SLC22A2: variants seen among roughly 807,000 people sequenced by gnomAD.
SLC22A2 encodes organic cation transporter 2.
SLC22A2 carries 46 observed loss-of-function variants against 60.5 expected under a neutral mutation model. That is an observed-to-expected ratio of 0.76 (90% CI 0.60 to 0.97). The LOEUF (loss-of-function observed/expected upper bound fraction) is 0.97. Ranked by LOEUF, SLC22A2 falls within the 50% of genes least tolerant of loss-of-function variation. SLC22A2 has a pLI of 0.00. For synonymous variants in SLC22A2, 303 were observed against 267.0 expected, an observed-to-expected ratio of 1.13 and a Z score of -1.31; for missense variants, 701 against 706.6, an observed-to-expected ratio of 0.99 and a Z score of 0.09.
chr6:160,224,672 A>T (rs1168079202), intron 10 of SLC22A2, 33 bp downstream of exon 10: 1 of 1,434,476 alleles, frequency 7.0e-7, no homozygotes, highest in Non-Finnish European at 9.7e-7. Flanking sequence ...AAACCTTTAT[A>T]GAACAATTCA....
intron 3 of SLC22A2, 199 bp downstream of exon 3, chr6:160,250,349 G>T: frequency 1.7e-6 from 1 of 588,516 alleles, no homozygotes; most frequent in South Asian, 2.1e-5. Context: ...CCTTGTTTCT[G>T]CCTTCATTTT....
rs765028861 is a variant in SLC22A2 at position 160,256,661 on chromosome 6, A to C, written c.471T>G (p.Asn157Lys). ...WMLDLFQSSV[N>K]VGFFIGSMSI... ...TCATAGAGCCAATAAAGAATCCTAC[A>C]TTCACTGATGACTGGAATAGGTCCA... The change falls in exon 2 of 11, where the codon AAT (asparagine) becomes AAG (lysine). Residue 157 changes from asparagine to lysine, a missense_variant. Transcript: ENST00000366953. The C allele has an allele frequency of 1.2e-6, 2 of 1,614,026 alleles. No individual in the cohort carries two copies. The highest frequency in any genetic ancestry group is 1.3e-5 in the African/African-American group (1 of 74,926).
Position 160,216,928 on chromosome 6 carries a change from A to AT in SLC22A2, c.*503dup, listed in dbSNP as rs1782547179. On this transcript the variant is annotated 3_prime_UTR_variant, in exon 11 of 11. Coordinates refer to ENST00000366953, the MANE Select transcript of SLC22A2 (RefSeq NM_003058.4). ...GTCTAACCTAGATAATAATCAATGT[A>AT]TTTTTAAAAATTTCTTCACCTGTGT... 6.6e-6 allele frequency: 1 copy of AT among 152,134 alleles called. No individual in the cohort carries two copies. Among genetic ancestry groups the AT allele is most frequent in the East Asian group, 1.9e-4 (1 of 5,200 alleles). 9.4% of individuals were successfully genotyped at this position (152,134 alleles called of 1,614,324 possible). A position where few individuals can be genotyped will look rare whatever the true frequency, so the allele number is the denominator to read the frequency against.
chr6:160,223,241 G>A lies in SLC22A2; in HGVS notation c.1601+1464C>T, dbSNP rs182102382. Among the ~76,000 whole-genome samples, 3 of 152,280 alleles carry A rather than the reference G, an allele frequency of 2.0e-5. No homozygotes were observed. The South Asian group carries it at 6.2e-4, about 32-fold the overall frequency. On this transcript the variant is annotated intron_variant, in intron 10 of 10. Coordinates refer to ENST00000366953, the MANE Select transcript of SLC22A2 (RefSeq NM_003058.4). The stretch of plus-strand genomic sequence containing the variant: ...TTGTCTTTATCTAGAATTTTTTAAT[G>A]TACTGTTTGAATGGGTTCATATGGT...
chr6:160,242,711 A>AC (rs1258734613), intron 7 of SLC22A2, among the ~76,000 whole-genome samples: 3 of 151,632 alleles, frequency 2.0e-5, no homozygotes, highest in Admixed American at 2.0e-4. Flanking sequence ...CATGCATTCC[A>AC]CCCCCCACTG....
intron 9 of SLC22A2, among the ~76,000 whole-genome samples, chr6:160,226,683 CTTAA>C (rs1269876754): frequency 6.6e-6 from 1 of 152,204 alleles, no homozygotes; most frequent in Non-Finnish European, 1.5e-5. Context: ...TCATTCTTTG[CTTAA>C]TTAAACTCTT....
rs745312697 is a variant in SLC22A2, at chr6:160,253,300, G to A, written c.519-2598C>T. On this transcript the variant is annotated intron_variant, in intron 2 of 10. Transcript: ENST00000366953. The stretch of plus-strand genomic sequence containing the variant: ...ATAAATTTGATTATATGCAACCCAC[G>A]TTTAATTATATGCAAATTAAGGGGT... Among the ~76,000 whole-genome samples, 11 of 152,238 alleles carry A rather than the reference G, an allele frequency of 7.2e-5. No individual in the cohort carries two copies. The South Asian group carries it at 8.3e-4, about 11-fold the overall frequency.
At position 160,247,453 on chromosome 6, in the gene SLC22A2, T is replaced by A. The variant is rs574388204; in HGVS notation, c.843-155A>T. On this transcript the variant is annotated intron_variant, in intron 4 of 10. Coordinates refer to ENST00000366953, the MANE Select transcript of SLC22A2 (RefSeq NM_003058.4). ...GGGGGATATGTGGTTCTTTCCTCCC[T>A]CAAATGCTAAATCCCTCCTCAGGGA... Among the ~76,000 whole-genome samples, 35 of 151,800 alleles carry A rather than the reference T, an allele frequency of 2.3e-4. No individual in the cohort carries two copies. In the Middle Eastern group the frequency reaches 0.01, roughly 45 times the overall value.
At position 160,250,578 on chromosome 6, in the gene SLC22A2, T is replaced by G; in HGVS notation, c.643A>C (p.Lys215Gln). 6.2e-7 allele frequency: 1 copy of G among 1,614,116 alleles called. No individual in the cohort carries two copies. Among genetic ancestry groups the G allele is most frequent in the Non-Finnish European group, 8.5e-7 (1 of 1,179,984 alleles). ...IFRLIQGLVS[K>Q]AGWLIGYILI... ...ATGTAGCCTATTAACCAGCCTGCTTTGCTGACCAGTCCTTGGATTAAGCGA... is the reference window on the plus strand; with the variant it reads ...ATGTAGCCTATTAACCAGCCTGCTTGGCTGACCAGTCCTTGGATTAAGCGA... The change falls in exon 3 of 11, where the codon AAA becomes CAA. Residue 215 changes from lysine to glutamine, a missense_variant. By Grantham distance (53) the Lys-to-Gln change is moderately conservative. Coordinates refer to ENST00000366953, the MANE Select transcript of SLC22A2 (RefSeq NM_003058.4).
rs1212182300 is a variant in SLC22A2, at chr6:160,247,114, G to C, written c.957+70C>G. The C allele has an allele frequency of 3.3e-6, 3 of 897,882 alleles. No homozygotes were observed. The African/African-American group carries it at 4.9e-5, about 15-fold the overall frequency. 55.6% of individuals were successfully genotyped at this position (897,882 alleles called of 1,614,324 possible). ...CCATGGTTCCCTGCTGAGATCACTG[G>C]CATGCATGAATCTTACCAGAGCCTC... On this transcript the variant is annotated intron_variant, in intron 5 of 10. Coordinates refer to ENST00000366953, the MANE Select transcript of SLC22A2 (RefSeq NM_003058.4).
chr6:160,258,110 G>T, intron 1 of SLC22A2: 1 of 545,032 alleles, frequency 1.8e-6, no homozygotes, highest in East Asian at 3.1e-5. Context: ...GCTGGGACAT[G>T]CACAAACTAG....
intron 2 of SLC22A2, among the ~76,000 whole-genome samples, chr6:160,256,037 G>A (rs1783266569): frequency 6.6e-6 from 1 of 152,122 alleles, no homozygotes; most frequent in African/African-American, 2.4e-5. Context: ...CAATGATATT[G>A]CAGAGGTGGA....
intron 9 of SLC22A2, among the ~76,000 whole-genome samples, chr6:160,231,920 C>T (rs562895435): frequency 1.2e-4 from 19 of 152,020 alleles, no homozygotes; most frequent in South Asian, 1.2e-3. Flanking sequence ...ACCAGGACTG[C>T]GCCCTGTAGC....
chr6:160,241,430 GAA>G (rs1434809127), intron 9 of SLC22A2, 42 bp downstream of exon 9: 1 of 1,302,922 alleles, frequency 7.7e-7, no homozygotes, highest in East Asian at 2.3e-5. Flanking sequence ...AAGGTCTCTA[GAA>G]AAATAAGTTT....
chr6:160,235,243 T>C (rs1782892170), intron 9 of SLC22A2, among the ~76,000 whole-genome samples: 1 of 152,044 alleles, frequency 6.6e-6, no homozygotes, highest in South Asian at 2.1e-4. Flanking sequence ...GAAATTACTA[T>C]ACATTATGAG....
At chr6:160,243,859 A>C in intron 6 of SLC22A2, 73 bp from the exon 7 acceptor site, 1 of 1,041,066 alleles carries the variant, frequency 9.6e-7, no homozygotes. Context: ...GCTTCTGGAA[A>C]AATAATGTGG....
chr6:160,231,172 T>G (rs1170356888), intron 9 of SLC22A2, among the ~76,000 whole-genome samples: 3 of 151,986 alleles, frequency 2.0e-5, no homozygotes, highest in East Asian at 3.9e-4. Flanking sequence ...CCCCTTAAAA[T>G]TCCCCCACTC....
intron 9 of SLC22A2, among the ~76,000 whole-genome samples, chr6:160,230,006 A>G (rs1782792658): frequency 6.6e-6 from 1 of 151,636 alleles, no homozygotes; most frequent in African/African-American, 2.4e-5. Flanking sequence ...TCTGTTCCCA[A>G]TGCAACTCAT....
At chr6:160,250,477 G>GC (rs765925704) in intron 3 of SLC22A2, 71 bp downstream of exon 3, 47 of 1,466,460 alleles carry the variant, frequency 3.2e-5, no homozygotes, top group African/African-American at 2.4e-4. Context: ...CTTGCATGCC[G>GC]CCCCCCACCT....
Sources: allele counts gnomAD v4.1 joint callset (sites outside exome capture counted in the v4.1 genomes callset), GRCh38; gene constraint gnomAD v4.1.1; transcripts MANE v1.5; gene names NCBI Gene and HGNC (gene_info 2026-07-23, HGNC 2026-07-21).